The following ZHX2 variants were observed in gnomAD, a reference collection of about 807,000 sequenced individuals.
ZHX2 encodes the protein zinc fingers and homeoboxes protein 2.
Under a neutral mutation model 21.9 loss-of-function variants are expected in ZHX2, and 6 were observed. The ratio of observed to expected loss-of-function variants is 0.27; its 90% CI spans 0.15 to 0.54. ZHX2 has a LOEUF of 0.54. Among genes scored for constraint, ZHX2 ranks in the 20% least tolerant of loss-of-function variants. The probability of loss-of-function intolerance (pLI) is 0.95; values close to 1 mark genes in which losing one functional copy is unlikely to be tolerated. For synonymous variants in ZHX2, 434 were observed against 437.1 expected, an observed-to-expected ratio of 0.99 and a Z score of 0.09; for missense variants, 908 against 1,090.7, an observed-to-expected ratio of 0.83 and a Z score of 2.36.
intron 3 of ZHX2, among the ~76,000 whole-genome samples, chr8:122,955,753 C>T (rs1214825073): frequency 1.3e-5 from 2 of 151,968 alleles, no homozygotes; most frequent in Non-Finnish European, 2.9e-5. Flanking sequence ...AACTTCCCAC[C>T]TCTACCTGGC....
At chr8:122,833,052 C>T (rs1433336591) in intron 1 of ZHX2, among the ~76,000 whole-genome samples, 3 of 151,920 alleles carry the variant, frequency 2.0e-5, no homozygotes, top group East Asian at 1.9e-4. Context: ...CCAGGTGAGC[C>T]GACGTGAAAT....
At chr8:122,809,199 C>G (rs1372467623) in intron 1 of ZHX2, 1 of 152,438 alleles carries the variant, frequency 6.6e-6, no homozygotes, top group African/African-American at 2.4e-5. Flanking sequence ...CCTGAAGACA[C>G]TAGAAAGAGG....
At chr8:122,957,271 T>A (rs1813327431) in intron 3 of ZHX2, among the ~76,000 whole-genome samples, 1 of 137,260 alleles carries the variant, frequency 7.3e-6, no homozygotes, top group African/African-American at 2.8e-5. Context: ...ACCCCCGTTC[T>A]CAGGACAGGG....
At chr8:122,925,411 AG>A (rs1351767000) in intron 2 of ZHX2, among the ~76,000 whole-genome samples, 1 of 152,198 alleles carries the variant, frequency 6.6e-6, no homozygotes, top group Admixed American at 6.5e-5. Flanking sequence ...AGTGATGAAC[AG>A]CACCAGGTTC....
intron 2 of ZHX2, among the ~76,000 whole-genome samples, chr8:122,939,468 G>A (rs570436707): frequency 4.8e-4 from 73 of 152,306 alleles, no homozygotes; most frequent in African/African-American, 1.7e-3. Flanking sequence ...ACAGCAACCT[G>A]AGGTGTTTGT....
intron 1 of ZHX2, among the ~76,000 whole-genome samples, chr8:122,784,275 G>C (rs1290672366): frequency 1.3e-5 from 2 of 152,214 alleles, no homozygotes; most frequent in Non-Finnish European, 2.9e-5. Flanking sequence ...GTTATGGTGT[G>C]TGAGGCACAA....
rs1473165912 is a variant in ZHX2 at position 122,951,615 on chromosome 8, C to T, written c.105C>T (p.Ile35=). 3.1e-6 allele frequency: 5 copies of T among 1,613,720 alleles called. No individual in the cohort carries two copies. The highest frequency in any genetic ancestry group is 4.2e-6 in the Non-Finnish European group (5 of 1,179,956). The change falls in exon 3 of 4, where the codon ATC becomes ATT. Residue 35 remains isoleucine, a synonymous_variant. Coordinates refer to ENST00000314393, the MANE Select transcript of ZHX2 (RefSeq NM_014943.5). ...TAGACAGGGCCAAAGAGAAAGGAATCGGCACACCACAGCCTGACGTGGCCA... is the reference window on the plus strand; with the variant it reads ...TAGACAGGGCCAAAGAGAAAGGAATTGGCACACCACAGCCTGACGTGGCCA... ...EEVDRAKEKG[I]GTPQPDVAKD...
chr8:122,968,338 G>A (rs762948774), intron 3 of ZHX2, among the ~76,000 whole-genome samples: 6 of 152,108 alleles, frequency 3.9e-5, no homozygotes, highest in Non-Finnish European at 8.8e-5. Flanking sequence ...TTCAAACCAC[G>A]CAGGGAAGGA....
chr8:122,971,619 A>AAATAAAAAATAAAAAATAAAAAAT (rs1813726393), intron 3 of ZHX2, among the ~76,000 whole-genome samples: 3 of 150,780 alleles, frequency 2.0e-5, no homozygotes, highest in Non-Finnish European at 4.4e-5. Context: ...TACAAAAAAA[A>AAATAAAAAATAAAAAATAAAAAAT]AAAAAAAAAA....
At chr8:122,827,678 T>A (rs180692996) in intron 1 of ZHX2, among the ~76,000 whole-genome samples, 2 of 152,146 alleles carry the variant, frequency 1.3e-5, no homozygotes, top group African/African-American at 4.8e-5. Flanking sequence ...AAGGAGAGAA[T>A]CTGTACATAA....
chr8:122,873,387 G>A (rs963848457), intron 2 of ZHX2, among the ~76,000 whole-genome samples: 2 of 152,142 alleles, frequency 1.3e-5, no homozygotes, highest in Admixed American at 6.5e-5. Context: ...ATCTCCCCCG[G>A]GGGCTTGGGC....
intron 1 of ZHX2, among the ~76,000 whole-genome samples, chr8:122,842,232 A>G: frequency 6.6e-6 from 1 of 152,212 alleles, no homozygotes; most frequent in East Asian, 1.9e-4. Flanking sequence ...TCATAAATCT[A>G]TAGGCCTGGG....
At chr8:122,815,248 G>A (rs1818007393) in intron 1 of ZHX2, among the ~76,000 whole-genome samples, 1 of 152,214 alleles carries the variant, frequency 6.6e-6, no homozygotes, top group East Asian at 1.9e-4. Flanking sequence ...GGTACAATAG[G>A]CACAGTGCCT....
intron 2 of ZHX2, among the ~76,000 whole-genome samples, chr8:122,889,208 A>G (rs932858981): frequency 6.6e-6 from 1 of 152,180 alleles, no homozygotes; most frequent in Non-Finnish European, 1.5e-5. Flanking sequence ...ATATCTCTTC[A>G]ACATACTGAT....
intron 2 of ZHX2, among the ~76,000 whole-genome samples, chr8:122,939,213 CA>C (rs1336811584): frequency 6.6e-6 from 1 of 152,176 alleles, no homozygotes; most frequent in Admixed American, 6.5e-5. Flanking sequence ...CCCCATGTTA[CA>C]AATGGAAAGG....
intron 1 of ZHX2, among the ~76,000 whole-genome samples, chr8:122,847,131 C>T (rs1168091449): frequency 6.6e-6 from 1 of 152,150 alleles, no homozygotes; most frequent in African/African-American, 2.4e-5. Flanking sequence ...TTCCCAGATG[C>T]CACCCTCAGA....
At chr8:122,924,057 T>C (rs921250181) in intron 2 of ZHX2, among the ~76,000 whole-genome samples, 6 of 152,316 alleles carry the variant, frequency 3.9e-5, no homozygotes, top group Middle Eastern at 3.4e-3. Context: ...CGTGATTACC[T>C]GGAAAGAAAG....
At chr8:122,956,532 A>G (rs1813308383) in intron 3 of ZHX2, among the ~76,000 whole-genome samples, 1 of 152,152 alleles carries the variant, frequency 6.6e-6, no homozygotes, top group Non-Finnish European at 1.5e-5. Flanking sequence ...AGCCAAGTGC[A>G]CAGACAAGGG....
At chr8:122,969,773 TG>T (rs1813674025) in intron 3 of ZHX2, among the ~76,000 whole-genome samples, 1 of 152,194 alleles carries the variant, frequency 6.6e-6, no homozygotes, top group Admixed American at 6.5e-5. Context: ...TCTCAGTGTT[TG>T]TTTTCCTTTC....
Sources: gnomAD v4.1 joint callset for allele counts (sites outside exome capture counted in the v4.1 genomes callset) on GRCh38, gnomAD v4.1.1 for gene constraint, MANE v1.5 for transcripts, NCBI Gene and HGNC (gene_info 2026-07-23, HGNC 2026-07-21) for gene names.